The following GRIN2A variants were observed in gnomAD, a reference collection of about 807,000 sequenced individuals.
GRIN2A encodes glutamate receptor ionotropic, NMDA 2A.
In GRIN2A, 22 loss-of-function variants were observed where a neutral mutation model predicts 113.4. The ratio of observed to expected loss-of-function variants is 0.19; its 90% CI spans 0.14 to 0.28. GRIN2A has a LOEUF of 0.28. Among genes scored for constraint, GRIN2A ranks in the 10% least tolerant of loss-of-function variants. GRIN2A has a pLI of 1.00. For synonymous variants in GRIN2A, 827 were observed against 738.4 expected (o/e 1.12, Z -1.94); for missense variants, 1,502 against 1,887.0 (o/e 0.80, Z 3.78).
At chr16:10,101,313 G>C (rs1406212603) in intron 2 of GRIN2A, among the ~76,000 whole-genome samples, 2 of 152,148 alleles carry the variant, frequency 1.3e-5, no homozygotes. Context: ...CTCAGCATCT[G>C]TTTCCTGGAA....
chr16:9,965,968 C>A (rs1845601099), intron 2 of GRIN2A, among the ~76,000 whole-genome samples: 1 of 152,188 alleles, frequency 6.6e-6, no homozygotes, highest in Non-Finnish European at 1.5e-5. Context: ...ACAATACTTT[C>A]TGGTAGCTTA....
chr16:9,791,314 T>C (rs1902592539), intron 11 of GRIN2A, among the ~76,000 whole-genome samples: 1 of 152,230 alleles, frequency 6.6e-6, no homozygotes, highest in Non-Finnish European at 1.5e-5. Context: ...GGAATTCCAT[T>C]TTTATAGGGT....
intron 2 of GRIN2A, among the ~76,000 whole-genome samples, chr16:10,163,773 G>A (rs1030016359): frequency 6.6e-6 from 1 of 152,108 alleles, no homozygotes; most frequent in African/African-American, 2.4e-5. Context: ...ATTCCTCACA[G>A]CTGTTAATAT....
chr16:9,763,812 GT>G lies in GRIN2A; in HGVS notation c.3731del (p.Asn1244ThrfsTer41). On this transcript the variant is annotated frameshift_variant, in exon 13 of 13. Coordinates refer to ENST00000330684, the MANE Select transcript of GRIN2A (RefSeq NM_001134407.3). LOFTEE classifies it high-confidence loss of function. ...FKCDACLRMG[N>X]LYDIDEDQML... ...TCTGGTCTTCATCGATGTCATAGAG[GT>G]TCCCCATCCGCAGGCAGGCATCGCA... 1 of 1,614,140 alleles carries G rather than the reference GT, an allele frequency of 6.2e-7. No individual in the cohort carries two copies. Among genetic ancestry groups the G allele is most frequent in the Non-Finnish European group, 8.5e-7 (1 of 1,180,020 alleles).
At chr16:9,974,672 T>C (rs2045741372) in intron 2 of GRIN2A, among the ~76,000 whole-genome samples, 1 of 152,170 alleles carries the variant, frequency 6.6e-6, no homozygotes, top group Admixed American at 6.5e-5. Flanking sequence ...GTAGGCCCTA[T>C]ACTGAAAAGT....
intron 3 of GRIN2A, among the ~76,000 whole-genome samples, chr16:9,913,534 G>C (rs779791774): frequency 1.3e-5 from 2 of 152,118 alleles, no homozygotes; most frequent in Non-Finnish European, 2.9e-5. Context: ...ATATTAAATT[G>C]AGGGTCCAAC....
chr16:9,996,317 C>A (rs563837934), intron 2 of GRIN2A, among the ~76,000 whole-genome samples: 1 of 152,286 alleles, frequency 6.6e-6, no homozygotes, highest in South Asian at 2.1e-4. Flanking sequence ...TCTTCTACCA[C>A]ATTGCATTGC....
chr16:9,907,249 T>A (rs1027996094), intron 3 of GRIN2A, among the ~76,000 whole-genome samples: 22 of 152,346 alleles, frequency 1.4e-4, no homozygotes, highest in East Asian at 1.9e-4. Flanking sequence ...AAGAGTGAGA[T>A]CGTTGTATGG....
Position 10,000,749 on chromosome 16 carries a change from T to C in GRIN2A, c.415-62198A>G, listed in dbSNP as rs375103579. Among the ~76,000 whole-genome samples, 41 of 152,352 alleles carry C rather than the reference T, an allele frequency of 2.7e-4. 1 individual carries two copies. The South Asian group carries it at 7.9e-3, about 29-fold the overall frequency. On this transcript the variant is annotated intron_variant, in intron 2 of 12. Transcript: ENST00000330684. Reference sequence around the variant, plus strand: ...CTTGTAAATATCATTTTCCTCTTTCTCCTTTTTCTTCTCTTCCGCTGCTGT... The same window carrying C: ...CTTGTAAATATCATTTTCCTCTTTCCCCTTTTTCTTCTCTTCCGCTGCTGT...
intron 7 of GRIN2A, among the ~76,000 whole-genome samples, chr16:9,839,178 T>G (rs2042631388): frequency 6.6e-6 from 1 of 152,220 alleles, no homozygotes; most frequent in Admixed American, 6.5e-5. Context: ...ATTAGTGATC[T>G]GAATTTCATG....
chr16:9,811,536 AT>A (rs1483119826), intron 10 of GRIN2A, among the ~76,000 whole-genome samples: 1 of 152,174 alleles, frequency 6.6e-6, no homozygotes, highest in Non-Finnish European at 1.5e-5. Context: ...AGACAGGCGG[AT>A]CACTTGAGGT....
At chr16:9,799,708 T>G (rs906671823) in intron 10 of GRIN2A, among the ~76,000 whole-genome samples, 4 of 152,240 alleles carry the variant, frequency 2.6e-5, no homozygotes, top group Admixed American at 2.0e-4. Flanking sequence ...TATTGCTTTC[T>G]TCTCTCATTC....
intron 2 of GRIN2A, among the ~76,000 whole-genome samples, chr16:9,966,101 C>T (rs777921164): frequency 2.6e-5 from 4 of 152,132 alleles, no homozygotes; most frequent in Non-Finnish European, 4.4e-5. Context: ...TTGACAAGCA[C>T]GAGGGCAGGG....
At position 9,762,592 on chromosome 16, in the gene GRIN2A, T is replaced by C. The variant is rs553425657; in HGVS notation, c.*557A>G. The C allele has an allele frequency of 5.9e-5, 14 of 237,556 alleles. No individual in the cohort carries two copies. The highest frequency in any genetic ancestry group is 1.0e-4 in the Non-Finnish European group (12 of 120,512). 14.7% of individuals were successfully genotyped at this position (237,556 alleles called of 1,614,324 possible). The stretch of plus-strand genomic sequence containing the variant: ...TTCTTGGGGTGAGCCTGGGCTGTGA[T>C]GGAAGGCATAACAAGAAAGCTGAAA... On this transcript the variant is annotated 3_prime_UTR_variant, in exon 13 of 13. Coordinates refer to ENST00000330684, the MANE Select transcript of GRIN2A (RefSeq NM_001134407.3).
chr16:10,180,340 G>C lies in GRIN2A; in HGVS notation c.72C>G (p.Ser24Arg), dbSNP rs781722466. The change falls in exon 2 of 13, where the codon AGC (serine) becomes AGG (arginine). Residue 24 changes from serine to arginine, a missense_variant. Transcript: ENST00000330684. This position sits in a 1 kb window ranked among gnomAD's most constrained non-coding sequence, Gnocchi z 7.0. The part of the protein sequence containing the change: ...ALLVWRGPAP[S>R]AAAEKGPPAL... ...CGGGGGGACCCTTCTCCGCCGCCGC[G>C]CTCGGCGCCGGACCGCGCCAGACCA... 6.4e-5 allele frequency: 103 copies of C among 1,608,554 alleles called. No homozygotes were observed. The highest frequency in any genetic ancestry group is 8.3e-5 in the Non-Finnish European group (98 of 1,179,872).
intron 10 of GRIN2A, among the ~76,000 whole-genome samples, chr16:9,808,182 T>A (rs1283298138): frequency 1.3e-5 from 2 of 152,234 alleles, no homozygotes; most frequent in Non-Finnish European, 2.9e-5. Flanking sequence ...ATTTACTATG[T>A]GCTGGACACT....
chr16:9,787,172 C>G (rs1052724662), intron 11 of GRIN2A, among the ~76,000 whole-genome samples: 8 of 152,166 alleles, frequency 5.3e-5, no homozygotes, highest in Non-Finnish European at 1.0e-4. Flanking sequence ...TTTCCCCATT[C>G]CAGGCCCTCC....
At chr16:10,013,604 A>G (rs1012086737) in intron 2 of GRIN2A, among the ~76,000 whole-genome samples, 3 of 152,158 alleles carry the variant, frequency 2.0e-5, no homozygotes, top group Non-Finnish European at 2.9e-5. Context: ...TCCTGGAATC[A>G]TAGCTCTTCT....
At chr16:10,161,138 T>C (rs1010391641) in intron 2 of GRIN2A, among the ~76,000 whole-genome samples, 2 of 152,220 alleles carry the variant, frequency 1.3e-5, no homozygotes, top group Admixed American at 1.3e-4. Context: ...AATTTAATCA[T>C]GAGAATGGTT....
Sources: gnomAD v4.1 joint callset for allele counts (sites outside exome capture counted in the v4.1 genomes callset) on GRCh38, gnomAD v4.1.1 for gene constraint, Gnocchi (gnomAD v3.1) non-coding constraint, MANE v1.5 for transcripts, NCBI Gene and HGNC (gene_info 2026-07-23, HGNC 2026-07-21) for gene names.